The following ZNF587B variants were observed in gnomAD, a reference collection of about 807,000 sequenced individuals.
ZNF587B encodes the protein zinc finger protein 587B.
A neutral mutation model predicts 7.2 loss-of-function variants in ZNF587B; 6 were observed. The observed-to-expected ratio is 0.83, with a 90% CI of 0.46 to 1.65. The LOEUF (loss-of-function observed/expected upper bound fraction) is 1.65. ZNF587B is among the 40% of genes most tolerant of loss of function. The probability of loss-of-function intolerance (pLI) is 0.01; values close to 1 mark genes in which losing one functional copy is unlikely to be tolerated. For missense variants in ZNF587B, 749 were observed against 761.0 expected (o/e 0.98, Z 0.19); for synonymous variants, 274 against 254.3 (o/e 1.08, Z -0.74).
At position 57,841,834 on chromosome 19, in the gene ZNF587B, G is replaced by A; in HGVS notation, c.1160G>A (p.Cys387Tyr). 1 of 1,612,440 alleles carries A rather than the reference G, an allele frequency of 6.2e-7. No individual in the cohort carries two copies. Among genetic ancestry groups the A allele is most frequent in the Non-Finnish European group, 8.5e-7 (1 of 1,179,382 alleles). The part of the protein sequence containing the change: ...TEVRPYKCGE[C>Y]GKSYISKGHL... ...GTAAGACCTTACAAGTGTGGAGAAT[G>A]TGGGAAATCTTATATTTCAAAGGGG... Residue 387 changes from cysteine to tyrosine, a missense_variant, in exon 3 of 3, where the codon TGT becomes TAT. Around this residue, in one of 3 missense-constraint regions of ZNF587B, gnomAD observed 656 missense variants for 596.5 expected, o/e 1.10. Coordinates refer to ENST00000594901, the MANE Select transcript of ZNF587B (RefSeq NM_001376223.1).
At chr19:57,840,668 C>T (rs1008620655) in intron 2 of ZNF587B, among the ~76,000 whole-genome samples, 170 bp from the exon 3 acceptor site, 13 of 152,112 alleles carry the variant, frequency 8.5e-5, no homozygotes, top group African/African-American at 2.2e-4. Flanking sequence ...ATTCTGTGAC[C>T]GTTATAGTCC....
chr19:57,837,261 C>CTT (rs112068491), intron 1 of ZNF587B, among the ~76,000 whole-genome samples: 8 of 144,068 alleles, frequency 5.6e-5, no homozygotes, highest in Admixed American at 2.8e-4. Flanking sequence ...TATGTGATAC[C>CTT]TTTTTTTTTT....
intron 1 of ZNF587B, among the ~76,000 whole-genome samples, chr19:57,831,305 G>T (rs1265453358): frequency 6.6e-6 from 1 of 152,214 alleles, no homozygotes; most frequent in East Asian, 1.9e-4. Flanking sequence ...GTAAAAACAA[G>T]GTTGGGCATT....
rs1381627106 is a variant in ZNF587B at position 57,843,961 on chromosome 19, C to G, written c.*1385C>G. Reference sequence around the variant, plus strand: ...ACAGGGTCTTGCTGTGTTGCACAGTCTGGTCTCAAACTGCTGGTCTCGAGT... The same window carrying G: ...ACAGGGTCTTGCTGTGTTGCACAGTGTGGTCTCAAACTGCTGGTCTCGAGT... On this transcript the variant is annotated 3_prime_UTR_variant, in exon 3 of 3. Coordinates refer to ENST00000594901, the MANE Select transcript of ZNF587B (RefSeq NM_001376223.1). Among the ~76,000 whole-genome samples the G allele has an allele frequency of 2.0e-5, 3 of 152,050 alleles. No individual in the cohort carries two copies. Among genetic ancestry groups the G allele is most frequent in the Non-Finnish European group, 4.4e-5 (3 of 67,998 alleles).
chr19:57,830,589 TC>T, intron 1 of ZNF587B, 25 bp downstream of exon 1: 1 of 1,549,286 alleles, frequency 6.5e-7, no homozygotes, highest in Non-Finnish European at 8.7e-7. Flanking sequence ...TTCCATGCCC[TC>T]AGGTCACCTC....
At chr19:57,836,960 TAAAAAA>T (rs71188052) in intron 1 of ZNF587B, among the ~76,000 whole-genome samples, 3 of 106,256 alleles carry the variant, frequency 2.8e-5, no homozygotes, top group Non-Finnish European at 3.8e-5. Context: ...GACTCCGTCA[TAAAAAA>T]AAAAAAAAAA....
chr19:57,830,909 A>G (rs1044683393), intron 1 of ZNF587B, among the ~76,000 whole-genome samples: 5 of 151,982 alleles, frequency 3.3e-5, no homozygotes, highest in African/African-American at 1.2e-4. Context: ...TTGGTTTAGA[A>G]AGGGGAGGGG....
At chr19:57,831,518 G>C (rs563504146) in intron 1 of ZNF587B, among the ~76,000 whole-genome samples, 2 of 146,588 alleles carry the variant, frequency 1.4e-5, no homozygotes, top group African/African-American at 2.5e-5. Flanking sequence ...TCAGCCTCCC[G>C]AGTAGGTGTC....
In ZNF587B at chr19:57,840,851, A is replaced by C. The variant is rs1161201624; in HGVS notation, c.177A>C (p.Gly59=). The part of the protein sequence containing the change: ...ALMSSLGCWC[G]VEDEAAPSKQ... ...TCTTGCTTTCAGGTTGTTGGTGTGG[A>C]GTGGAAGATGAGGCGGCACCTTCTA... The change falls in exon 3 of 3, where the codon GGA becomes GGC. Residue 59 remains glycine (G), a synonymous_variant. Coordinates refer to ENST00000594901, the MANE Select transcript of ZNF587B (RefSeq NM_001376223.1). 19 of 1,540,240 alleles carry C rather than the reference A, an allele frequency of 1.2e-5. No individual in the cohort carries two copies. The highest frequency in any genetic ancestry group is 8.7e-7 in the Non-Finnish European group (1 of 1,148,158).
chr19:57,831,704 A>AT (rs1988404420), intron 1 of ZNF587B, among the ~76,000 whole-genome samples: 1 of 131,362 alleles, frequency 7.6e-6, no homozygotes, highest in Non-Finnish European at 1.6e-5. Flanking sequence ...TATTTTATTT[A>AT]TTTATTTTTT....
Position 57,842,086 on chromosome 19 carries a change from G to C in ZNF587B, c.1412G>C (p.Cys471Ser), listed in dbSNP as rs1451004707. The change falls in exon 3 of 3, where the codon TGT (cysteine) becomes TCT (serine). Residue 471 changes from cysteine (C) to serine (S), a missense_variant. Transcript: ENST00000594901. ...TRKRPYMCWE[C>S]GKLFKKKSHL... The stretch of plus-strand genomic sequence containing the variant: ...AAAAGGCCTTATATGTGTTGGGAAT[G>C]TGGAAAATTATTTAAGAAGAAGTCT... The C allele has an allele frequency of 8.2e-6, 13 of 1,594,748 alleles. No individual in the cohort carries two copies. Among genetic ancestry groups the C allele is most frequent in the Non-Finnish European group, 1.1e-5 (13 of 1,169,918 alleles).
Position 57,843,026 on chromosome 19 carries a change from C to G in ZNF587B, c.*450C>G, listed in dbSNP as rs995142712. The G allele has an allele frequency of 7.3e-6, 7 of 957,434 alleles. No individual in the cohort carries two copies. Among genetic ancestry groups the G allele is most frequent in the African/African-American group, 1.8e-5 (1 of 56,602 alleles). The allele number at this position is 957,434 out of a possible 1,614,324, so 59.3% of individuals were successfully genotyped here. A position where few individuals can be genotyped will look rare whatever the true frequency, so the allele number is the denominator to read the frequency against. ...TTTCCTTTTTTTGGAGAGACGGTCT[C>G]ACTCCATCACCCATGCTGGTGTGCA... On this transcript the variant is annotated 3_prime_UTR_variant, in exon 3 of 3. Transcript: ENST00000594901.
At chr19:57,836,690 G>A (rs1600104816) in intron 1 of ZNF587B, among the ~76,000 whole-genome samples, 1 of 152,138 alleles carries the variant, frequency 6.6e-6, no homozygotes. Context: ...CTGAACGGGT[G>A]CAGTGCCTCA....
chr19:57,841,803 A>C lies in ZNF587B; in HGVS notation c.1129A>C (p.Thr377Pro), dbSNP rs748497135. 12 of 1,611,156 alleles carry C rather than the reference A, an allele frequency of 7.4e-6. No homozygotes were observed. The East Asian group carries it at 2.2e-4, about 30-fold the overall frequency. The change falls in exon 3 of 3, where the codon ACT (threonine) becomes CCT (proline). Residue 377 changes from threonine to proline, a missense_variant. Physicochemically the swap from Thr to Pro is conservative, Grantham distance 38. This residue lies in a region of ZNF587B where 656 missense variants were observed against 596.5 expected (regional missense o/e 1.10). Coordinates refer to ENST00000594901, the MANE Select transcript of ZNF587B (RefSeq NM_001376223.1). ...PSLSYHQRIH[T>P]EVRPYKCGEC... ...CCTTAGTTACCATCAGCGCATTCAC[A>C]CTGAAGTAAGACCTTACAAGTGTGG...
Position 57,843,022 on chromosome 19 carries a change from G to T in ZNF587B, c.*446G>T, listed in dbSNP as rs1988917877. On this transcript the variant is annotated 3_prime_UTR_variant, in exon 3 of 3. Coordinates refer to ENST00000594901, the MANE Select transcript of ZNF587B (RefSeq NM_001376223.1). ...ATTTTTTCCTTTTTTTGGAGAGACG[G>T]TCTCACTCCATCACCCATGCTGGTG... 2 of 961,954 alleles carry T rather than the reference G, an allele frequency of 2.1e-6. No homozygotes were observed. The highest frequency in any genetic ancestry group is 2.5e-6 in the Non-Finnish European group (2 of 808,706). 59.6% of individuals were successfully genotyped at this position (961,954 alleles called of 1,614,324 possible).
At chr19:57,837,373 C>T (rs1474400730) in intron 1 of ZNF587B, among the ~76,000 whole-genome samples, 3 of 151,900 alleles carry the variant, frequency 2.0e-5, no homozygotes, top group Non-Finnish European at 4.4e-5. Flanking sequence ...TCTCCTGCCT[C>T]AACCTCCTGA....
intron 1 of ZNF587B, 142 bp downstream of exon 1, chr19:57,830,706 C>G: frequency 1.1e-6 from 1 of 926,620 alleles, no homozygotes; most frequent in Non-Finnish European, 1.6e-6. Flanking sequence ...CAGGACAGCC[C>G]TTTTGAGCTG....
In ZNF587B at chr19:57,842,072, T is replaced by C. The variant is rs1311392329; in HGVS notation, c.1398T>C (p.Tyr466=). ...ATGGCCATACTAGAAAAAGGCCTTA[T>C]ATGTGTTGGGAATGTGGAAAATTAT... The part of the protein sequence containing the change: ...HQHGHTRKRP[Y]MCWECGKLFK... Residue 466 remains tyrosine, a synonymous_variant, in exon 3 of 3, where the codon TAT becomes TAC. Coordinates refer to ENST00000594901, the MANE Select transcript of ZNF587B (RefSeq NM_001376223.1). 8.8e-6 allele frequency: 14 copies of C among 1,591,310 alleles called. No individual in the cohort carries two copies. The highest frequency in any genetic ancestry group is 1.1e-5 in the South Asian group (1 of 89,050).
At chr19:57,830,730 C>A (rs940428305) in intron 1 of ZNF587B, among the ~76,000 whole-genome samples, 166 bp downstream of exon 1, 1 of 102,282 alleles carries the variant, frequency 9.8e-6, no homozygotes, top group Admixed American at 1.1e-4. Flanking sequence ...AAGGCCTAAT[C>A]TTTTATAGTC....
Sources: allele counts gnomAD v4.1 joint callset (sites outside exome capture counted in the v4.1 genomes callset), GRCh38; gene constraint gnomAD v4.1.1; regional missense constraint gnomAD v4.1.1; transcripts MANE v1.5; gene names NCBI Gene and HGNC (gene_info 2026-07-23, HGNC 2026-07-21).